Variants in MYO3B observed in about 807,000 individuals in gnomAD.
MYO3B encodes myosin IIIB.
MYO3B carries 156 observed loss-of-function variants against 174.6 expected under a neutral mutation model. The observed-to-expected ratio is 0.89, with a 90% CI of 0.78 to 1.02. MYO3B has a LOEUF of 1.02. Ranked by LOEUF, MYO3B falls within the 50% of genes least tolerant of loss-of-function variation. MYO3B has a pLI of 0.00. For missense variants in MYO3B, 1,632 were observed against 1,639.4 expected (o/e 1.00, Z 0.08); for synonymous variants, 563 against 569.1 (o/e 0.99, Z 0.15).
At chr2:170,238,777 C>A (rs372118019) in intron 7 of MYO3B, among the ~76,000 whole-genome samples, 1 of 151,670 alleles carries the variant, frequency 6.6e-6, no homozygotes, top group South Asian at 2.1e-4. Flanking sequence ...TAGGAAGGTT[C>A]CCTGGGTATT....
chr2:170,328,126 T>C (rs1412654486), intron 7 of MYO3B, among the ~76,000 whole-genome samples: 2 of 152,108 alleles, frequency 1.3e-5, no homozygotes, highest in Non-Finnish European at 2.9e-5. Context: ...GATCTTGAAC[T>C]CTTGAGCTGA....
chr2:170,654,647 CAAAAAAAAAAAAAA>C lies in MYO3B; in HGVS notation c.*1539_*1552del, dbSNP rs1214280064. On this transcript the variant is annotated 3_prime_UTR_variant, in exon 35 of 35. Coordinates refer to ENST00000408978, the MANE Select transcript of MYO3B (RefSeq NM_138995.5). ...TGGGCGACAGGGCAAGACTCTGTCT[CAAAAAAAAAAAAAA>C]AAAAAAAAAAAAGAGATAGTATGCA... 3 of 46,270 alleles carry C rather than the reference CAAAAAAAAAAAAAA, an allele frequency of 6.5e-5. No individual in the cohort carries two copies. Among genetic ancestry groups the C allele is most frequent in the Non-Finnish European group, 1.3e-4 (3 of 23,332 alleles). The allele number at this position is 46,270 out of a possible 1,614,324, so 2.9% of individuals were successfully genotyped here.
chr2:170,534,529 T>C (rs1039694633), intron 30 of MYO3B, among the ~76,000 whole-genome samples: 1 of 152,162 alleles, frequency 6.6e-6, no homozygotes, highest in Non-Finnish European at 1.5e-5. Flanking sequence ...TACTGTAACC[T>C]CAGCCTTCTG....
intron 25 of MYO3B, among the ~76,000 whole-genome samples, chr2:170,476,083 C>A (rs1178545365): frequency 1.3e-5 from 2 of 151,154 alleles, no homozygotes; most frequent in Admixed American, 6.6e-5. Context: ...TCCCCCCCCA[C>A]AGGACATGCG....
At position 170,310,665 on chromosome 2, in the gene MYO3B, CAAAAAAA is replaced by C. The variant is rs746315736; in HGVS notation, c.750-24704_750-24698del. On this transcript the variant is annotated intron_variant, in intron 7 of 34. Coordinates refer to ENST00000408978, the MANE Select transcript of MYO3B (RefSeq NM_138995.5). ...GGGCGACAAGAGCAAGACTCCATCT[CAAAAAAA>C]AAAAAAAAAAAAAAAGAAATACATT... 3.9e-4 allele frequency among the ~76,000 whole-genome samples: 24 copies of C among 61,460 alleles called. No homozygotes were observed. The South Asian group carries it at 0.017, about 43-fold the overall frequency. The allele number at this position is 61,460 out of a possible 152,430, so 40.3% of individuals were successfully genotyped here. A position where few individuals can be genotyped will look rare whatever the true frequency, so the allele number is the denominator to read the frequency against.
At chr2:170,435,249 C>T (rs1031493367) in intron 22 of MYO3B, among the ~76,000 whole-genome samples, 2 of 152,166 alleles carry the variant, frequency 1.3e-5, no homozygotes, top group East Asian at 1.9e-4. Flanking sequence ...TTAGGAGGGT[C>T]TTTCAAAGTG....
chr2:170,628,023 G>C (rs1696613903), intron 32 of MYO3B, among the ~76,000 whole-genome samples: 1 of 152,212 alleles, frequency 6.6e-6, no homozygotes, highest in Non-Finnish European at 1.5e-5. Context: ...CAGTCTGTCT[G>C]TTCTCAGATC....
chr2:170,376,531 A>G (rs1037446285), intron 9 of MYO3B, among the ~76,000 whole-genome samples: 1 of 152,018 alleles, frequency 6.6e-6, no homozygotes, highest in Non-Finnish European at 1.5e-5. Context: ...CTCTATGGCC[A>G]TGGAGGCTTT....
chr2:170,441,376 T>A (rs1378940071), intron 22 of MYO3B, among the ~76,000 whole-genome samples: 1 of 152,200 alleles, frequency 6.6e-6, no homozygotes, highest in East Asian at 1.9e-4. Flanking sequence ...GCTTTCAAAT[T>A]TTCACTATTT....
chr2:170,185,272 C>T (rs2092448394), intron 1 of MYO3B, among the ~76,000 whole-genome samples: 1 of 152,140 alleles, frequency 6.6e-6, no homozygotes, highest in Non-Finnish European at 1.5e-5. Flanking sequence ...TGGAGAGTTT[C>T]TCCATTGTTT....
At chr2:170,233,517 G>A (rs761821567) in intron 6 of MYO3B, among the ~76,000 whole-genome samples, 1 of 152,198 alleles carries the variant, frequency 6.6e-6, no homozygotes, top group Non-Finnish European at 1.5e-5. Flanking sequence ...ACCTGATTGG[G>A]GTGAGGAAAG....
At chr2:170,538,607 G>A (rs117054231) in intron 30 of MYO3B, among the ~76,000 whole-genome samples, 18 of 152,264 alleles carry the variant, frequency 1.2e-4, no homozygotes, top group African/African-American at 3.6e-4. Flanking sequence ...ACTGGGATCC[G>A]GATTTAAGAA....
At chr2:170,370,398 C>A (rs1383244835) in intron 9 of MYO3B, among the ~76,000 whole-genome samples, 1 of 152,112 alleles carries the variant, frequency 6.6e-6, no homozygotes, top group Non-Finnish European at 1.5e-5. Context: ...CCACCAGGTT[C>A]CCTTTTGGAT....
At chr2:170,326,417 G>T (rs2093868121) in intron 7 of MYO3B, among the ~76,000 whole-genome samples, 1 of 152,188 alleles carries the variant, frequency 6.6e-6, no homozygotes, top group South Asian at 2.1e-4. Flanking sequence ...TAGGAAAAGG[G>T]TCGTTAGCCA....
chr2:170,494,925 T>C (rs773820508), intron 25 of MYO3B, among the ~76,000 whole-genome samples: 5 of 152,088 alleles, frequency 3.3e-5, no homozygotes, highest in Non-Finnish European at 7.4e-5. Flanking sequence ...AAGAACCACT[T>C]ATCTGGTTCC....
At chr2:170,624,518 C>T (rs761549643) in intron 32 of MYO3B, among the ~76,000 whole-genome samples, 21 of 152,104 alleles carry the variant, frequency 1.4e-4, no homozygotes, top group East Asian at 1.2e-3. Flanking sequence ...CAAACAGGGA[C>T]GATTTGACTT....
At position 170,655,139 on chromosome 2, in the gene MYO3B, C is replaced by T. The variant is rs1216994241; in HGVS notation, c.*2018C>T. ...TGGCTTGTTTCTCATTTAAATATAT[C>T]TATAAATAAACTTAAAAAGAAAACA... is the stretch of plus-strand genomic sequence containing the variant. On this transcript the variant is annotated 3_prime_UTR_variant, in exon 35 of 35. Coordinates refer to ENST00000408978, the MANE Select transcript of MYO3B (RefSeq NM_138995.5). The T allele has an allele frequency of 6.6e-6, 1 of 152,084 alleles. No individual in the cohort carries two copies. The highest frequency in any genetic ancestry group is 1.5e-5 in the Non-Finnish European group (1 of 68,014). The allele number at this position is 152,084 out of a possible 1,614,324, so 9.4% of individuals were successfully genotyped here.
chr2:170,429,744 C>T (rs756174043), intron 22 of MYO3B, among the ~76,000 whole-genome samples: 23 of 152,184 alleles, frequency 1.5e-4, no homozygotes, highest in Non-Finnish European at 2.8e-4. Context: ...GTTAAGCTTT[C>T]ACAATCTAGC....
intron 6 of MYO3B, among the ~76,000 whole-genome samples, chr2:170,220,486 T>G (rs1006987113): frequency 7.0e-5 from 10 of 142,520 alleles, no homozygotes; most frequent in Non-Finnish European, 4.6e-5. Flanking sequence ...AAAATTAGCC[T>G]GGCAGGATGG....
Sources: gnomAD v4.1 joint callset for allele counts (sites outside exome capture counted in the v4.1 genomes callset) on GRCh38, gnomAD v4.1.1 for gene constraint, MANE v1.5 for transcripts, NCBI Gene and HGNC (gene_info 2026-07-23, HGNC 2026-07-21) for gene names.